STK3: variants seen among roughly 807,000 people sequenced by gnomAD.
The protein encoded by STK3 is serine/threonine kinase 3.
A neutral mutation model predicts 58.0 loss-of-function variants in STK3; 41 were observed. The ratio of observed to expected loss-of-function variants is 0.71; its 90% CI spans 0.55 to 0.92. STK3 has a LOEUF of 0.92. STK3 is among the 40% of genes least tolerant of loss of function. The pLI is 0.00. For missense variants in STK3, 479 were observed against 602.7 expected, an observed-to-expected ratio of 0.79 and a Z score of 2.15; for synonymous variants, 170 against 191.0, an observed-to-expected ratio of 0.89 and a Z score of 0.91.
chr8:98,421,417 G>T (rs1818172111), intron 3 of STK3, among the ~76,000 whole-genome samples: 1 of 152,168 alleles, frequency 6.6e-6, no homozygotes, highest in Admixed American at 6.5e-5. Context: ...CAGCCATGTT[G>T]TCCTCTTGTT....
intron 6 of STK3, among the ~76,000 whole-genome samples, chr8:98,640,389 T>C (rs1819930842): frequency 6.6e-6 from 1 of 152,104 alleles, no homozygotes; most frequent in Non-Finnish European, 1.5e-5. Context: ...ATACACAAAA[T>C]TGTGGCAAAA....
intron 3 of STK3, among the ~76,000 whole-genome samples, chr8:98,750,562 C>T (rs549937779): frequency 6.6e-6 from 1 of 151,434 alleles, no homozygotes; most frequent in East Asian, 1.9e-4. Flanking sequence ...TCAGTACAGC[C>T]TTTAAAATTT....
chr8:98,589,835 T>C (rs1815109761), intron 7 of STK3, among the ~76,000 whole-genome samples: 2 of 152,154 alleles, frequency 1.3e-5, no homozygotes. Flanking sequence ...AAAAGTGCAG[T>C]ATTAGGGTGG....
chr8:98,540,562 A>G (rs1361008686), intron 9 of STK3, among the ~76,000 whole-genome samples: 2 of 152,228 alleles, frequency 1.3e-5, no homozygotes, highest in Admixed American at 6.5e-5. Flanking sequence ...CCAAGTTTCT[A>G]TGAAAAATTT....
chr8:98,903,465 T>C (rs1353464390), intron 1 of STK3, among the ~76,000 whole-genome samples: 1 of 152,048 alleles, frequency 6.6e-6, no homozygotes, highest in African/African-American at 2.4e-5. Flanking sequence ...AAAAAGCTTA[T>C]ATTTCCACTT....
At chr8:98,588,715 C>T (rs894808264) in intron 7 of STK3, among the ~76,000 whole-genome samples, 1 of 150,906 alleles carries the variant, frequency 6.6e-6, no homozygotes, top group African/African-American at 2.4e-5. Context: ...TTCCATTCTC[C>T]CCATCACTTT....
intron 10 of STK3, among the ~76,000 whole-genome samples, chr8:98,490,783 C>T (rs747380645): frequency 4.6e-5 from 7 of 152,082 alleles, no homozygotes; most frequent in African/African-American, 1.2e-4. Context: ...CGTGGGGGTG[C>T]GAATCTAGAC....
intron 6 of STK3, among the ~76,000 whole-genome samples, chr8:98,692,742 T>C (rs1824505552): frequency 6.6e-6 from 1 of 152,054 alleles, no homozygotes; most frequent in Non-Finnish European, 1.5e-5. Context: ...ATATTACTCA[T>C]TAATCCTAAT....
chr8:98,809,926 A>G (rs1254212835), intron 1 of STK3, among the ~76,000 whole-genome samples: 4 of 152,204 alleles, frequency 2.6e-5, no homozygotes, highest in Non-Finnish European at 5.9e-5. Flanking sequence ...TAATTGGCTC[A>G]TGGTTCTGCA....
chr8:98,703,495 C>T (rs182061123), intron 6 of STK3, among the ~76,000 whole-genome samples: 3 of 152,258 alleles, frequency 2.0e-5, no homozygotes, highest in Admixed American at 6.5e-5. Context: ...ACTTTATCTC[C>T]TCTCTAACCT....
chr8:98,453,140 C>T (rs58129694), downstream of STK3, among the ~76,000 whole-genome samples: 4 of 83,928 alleles, frequency 4.8e-5, no homozygotes, highest in Non-Finnish European at 8.9e-5. Context: ...CAGGCTGGAG[C>T]GCAGTGGTGT....
intron 7 of STK3, among the ~76,000 whole-genome samples, chr8:98,583,752 G>C (rs2131748472): frequency 6.6e-6 from 1 of 152,094 alleles, no homozygotes; most frequent in South Asian, 2.1e-4. Context: ...AACAATTTGA[G>C]CTATCTTATG....
intron 3 of STK3, chr8:98,429,474 AGCCC>A: frequency 8.1e-7 from 1 of 1,233,260 alleles, no homozygotes; most frequent in Non-Finnish European, 1.2e-6. Context: ...CCTCTGGCAC[AGCCC>A]AGGCACCTTA....
chr8:98,850,713 C>T (rs551596050), intron 3 of STK3, among the ~76,000 whole-genome samples: 2 of 152,220 alleles, frequency 1.3e-5, no homozygotes, highest in Admixed American at 6.5e-5. Flanking sequence ...ACGTGCAGTG[C>T]GTGGTGGGCA....
At chr8:98,374,657 C>T (rs1159917293) in intron 2 of STK3, among the ~76,000 whole-genome samples, 2 of 152,158 alleles carry the variant, frequency 1.3e-5, no homozygotes, top group Non-Finnish European at 2.9e-5. Flanking sequence ...AAAACATCAG[C>T]TAAAACAGAT....
intron 6 of STK3, among the ~76,000 whole-genome samples, chr8:98,673,832 G>A (rs1823003617): frequency 1.3e-5 from 2 of 152,140 alleles, no homozygotes; most frequent in Non-Finnish European, 2.9e-5. Context: ...AAAATACTTA[G>A]AACAATAGCA....
At chr8:98,740,774 G>T (rs1319024716) in intron 4 of STK3, among the ~76,000 whole-genome samples, 1 of 152,110 alleles carries the variant, frequency 6.6e-6, no homozygotes, top group Non-Finnish European at 1.5e-5. Context: ...TGGACTAAAT[G>T]CTCCAATTAA....
At chr8:98,361,588 C>G in the STK3 span, among the ~76,000 whole-genome samples, 1 of 152,116 alleles carries the variant, frequency 6.6e-6, no homozygotes. Context: ...ATGATCTTAA[C>G]AAAAAGGATG....
At chr8:98,587,288 G>GT (rs1814719124) in intron 7 of STK3, among the ~76,000 whole-genome samples, 1 of 151,872 alleles carries the variant, frequency 6.6e-6, no homozygotes, top group Non-Finnish European at 1.5e-5. Flanking sequence ...AGAGATTCTG[G>GT]TATGTTGTGT....
Sources: allele counts gnomAD v4.1 joint callset (sites outside exome capture counted in the v4.1 genomes callset), GRCh38; gene constraint gnomAD v4.1.1; transcripts MANE v1.5; gene names NCBI Gene and HGNC (gene_info 2026-07-23, HGNC 2026-07-21).